Variants in TENM4 observed in about 807,000 individuals in gnomAD.
TENM4 encodes teneurin transmembrane protein 4, also known as teneurin-4.
A neutral mutation model predicts 243.3 loss-of-function variants in TENM4; 82 were observed. The ratio of observed to expected loss-of-function variants is 0.34; its 90% CI spans 0.28 to 0.40. The LOEUF is 0.40. TENM4 is among the 10% of genes least tolerant of loss of function. The pLI is 1.00. For missense variants in TENM4, 3,138 were observed against 3,673.3 expected (o/e 0.85, Z 3.77); for synonymous variants, 1,412 against 1,456.3 (o/e 0.97, Z 0.69).
At chr11:78,871,468 C>T (rs958731570) in intron 9 of TENM4, among the ~76,000 whole-genome samples, 2 of 152,142 alleles carry the variant, frequency 1.3e-5, no homozygotes, top group Non-Finnish European at 2.9e-5. Flanking sequence ...CTATGACTGA[C>T]ATCTCAGCTC....
intron 25 of TENM4, among the ~76,000 whole-genome samples, chr11:78,713,420 T>G (rs766406202): frequency 1.3e-5 from 2 of 152,212 alleles, no homozygotes; most frequent in Non-Finnish European, 2.9e-5. Context: ...AAAACAGTTA[T>G]AAAGATCAGG....
intron 6 of TENM4, among the ~76,000 whole-genome samples, chr11:79,018,935 TC>T (rs1565169633): frequency 6.6e-6 from 1 of 152,072 alleles, no homozygotes; most frequent in East Asian, 1.9e-4. Context: ...GGAGGCTTGC[TC>T]CACAGTCTTA....
At chr11:78,804,904 T>C (rs1368375071) in intron 15 of TENM4, among the ~76,000 whole-genome samples, 1 of 152,190 alleles carries the variant, frequency 6.6e-6, no homozygotes, top group Non-Finnish European at 1.5e-5. Context: ...CTGAAGGGTT[T>C]GATGGCTGGG....
chr11:79,043,803 T>C (rs1233166026), intron 6 of TENM4, among the ~76,000 whole-genome samples: 1 of 152,076 alleles, frequency 6.6e-6, no homozygotes, highest in Admixed American at 6.6e-5. Flanking sequence ...ACCACCCCCA[T>C]CTCTTGCCCC....
intron 3 of TENM4, among the ~76,000 whole-genome samples, chr11:79,169,362 C>T (rs1455841828): frequency 6.6e-6 from 1 of 152,146 alleles, no homozygotes; most frequent in African/African-American, 2.4e-5. Context: ...CTTGAGCATG[C>T]CGTTGAGTGA....
intron 6 of TENM4, among the ~76,000 whole-genome samples, chr11:78,941,695 T>C (rs867488567): frequency 1.1e-4 from 16 of 152,276 alleles, no homozygotes; most frequent in Middle Eastern, 3.4e-3. Flanking sequence ...CCCCAGCGTG[T>C]TGTAGAATCC....
intron 19 of TENM4, among the ~76,000 whole-genome samples, chr11:78,749,631 C>G (rs991771557): frequency 6.6e-6 from 1 of 152,156 alleles, no homozygotes; most frequent in African/African-American, 2.4e-5. Context: ...TCACAGTGGG[C>G]TGATAAAAAA....
Position 78,656,105 on chromosome 11 carries a change from A to G in TENM4, c.*1953T>C, listed in dbSNP as rs950917174. 9.2e-5 allele frequency: 14 copies of G among 152,208 alleles called. No homozygotes were observed. Among genetic ancestry groups the G allele is most frequent in the African/African-American group, 2.7e-4 (11 of 41,436 alleles). 9.4% of individuals were successfully genotyped at this position (152,208 alleles called of 1,614,324 possible). ...GTTAAGGCGAAATCTCCTCTCCCCAAGAAGTTTTGGTTGCCTCCCTCTGCC... is the reference window on the plus strand; with the variant it reads ...GTTAAGGCGAAATCTCCTCTCCCCAGGAAGTTTTGGTTGCCTCCCTCTGCC... On this transcript the variant is annotated 3_prime_UTR_variant, in exon 34 of 34. Coordinates refer to ENST00000278550, the MANE Select transcript of TENM4 (RefSeq NM_001098816.3).
chr11:78,955,179 C>T (rs535140581), intron 6 of TENM4, among the ~76,000 whole-genome samples: 2 of 152,244 alleles, frequency 1.3e-5, no homozygotes, highest in East Asian at 1.9e-4. Context: ...TGCTAAGCTG[C>T]ATCTCCCTGA....
chr11:79,381,957 G>C (rs1397189760), intron 1 of TENM4, among the ~76,000 whole-genome samples: 1 of 152,158 alleles, frequency 6.6e-6, no homozygotes, highest in Non-Finnish European at 1.5e-5. Flanking sequence ...ATGACAACAA[G>C]AGGGTCCAGG....
chr11:79,344,239 T>C (rs1368663801), intron 1 of TENM4, among the ~76,000 whole-genome samples: 3 of 152,200 alleles, frequency 2.0e-5, no homozygotes, highest in African/African-American at 7.2e-5. Context: ...TCCTGAGTTT[T>C]TCAACCATTA....
intron 4 of TENM4, among the ~76,000 whole-genome samples, chr11:79,076,783 T>C (rs1193068452): frequency 1.3e-5 from 2 of 152,204 alleles, no homozygotes; most frequent in African/African-American, 4.8e-5. Flanking sequence ...CTAGTAATGG[T>C]AAGATAACTA....
intron 1 of TENM4, among the ~76,000 whole-genome samples, chr11:79,334,590 G>A (rs1857117376): frequency 6.6e-6 from 1 of 152,240 alleles, no homozygotes; most frequent in South Asian, 2.1e-4. Flanking sequence ...GGCATCCCTT[G>A]CCTGTCTCCA....
At chr11:79,341,785 A>G (rs1270499954) in intron 1 of TENM4, among the ~76,000 whole-genome samples, 1 of 152,196 alleles carries the variant, frequency 6.6e-6, no homozygotes, top group Admixed American at 6.5e-5. Flanking sequence ...ATTATTTGTA[A>G]CAATGACCTA....
At chr11:78,732,803 T>A (rs533536510) in intron 20 of TENM4, among the ~76,000 whole-genome samples, 2 of 152,320 alleles carry the variant, frequency 1.3e-5, no homozygotes, top group East Asian at 3.9e-4. Context: ...GAGAATTTGC[T>A]GAAATGAACC....
At chr11:78,768,308 TCC>T (rs1484493805) in intron 18 of TENM4, among the ~76,000 whole-genome samples, 1 of 152,188 alleles carries the variant, frequency 6.6e-6, no homozygotes, top group Non-Finnish European at 1.5e-5. Context: ...AATTTGGCCT[TCC>T]CAGCTGGTTC....
At chr11:78,731,445 A>G (rs1006413338) in intron 21 of TENM4, among the ~76,000 whole-genome samples, 1 of 152,236 alleles carries the variant, frequency 6.6e-6, no homozygotes, top group African/African-American at 2.4e-5. Flanking sequence ...TCAGCCAGGC[A>G]TGAAATATAC....
At chr11:78,965,560 AGTAAAT>A (rs1857422035) in intron 6 of TENM4, among the ~76,000 whole-genome samples, 1 of 152,214 alleles carries the variant, frequency 6.6e-6, no homozygotes, top group South Asian at 2.1e-4. Context: ...CCTCTTCCTG[AGTAAAT>A]CTGTCAAGCT....
Position 78,933,987 on chromosome 11 carries a change from T to G in TENM4, c.494-30464A>C, listed in dbSNP as rs572881609. ...AGAGGACAATTTCTCCTGGGGATTCTAGCACAAGGGTGCACTGGGAATTAG... is the reference window on the plus strand; with the variant it reads ...AGAGGACAATTTCTCCTGGGGATTCGAGCACAAGGGTGCACTGGGAATTAG... On this transcript the variant is annotated intron_variant, in intron 6 of 33. Transcript: ENST00000278550. Among the ~76,000 whole-genome samples, 60 of 152,328 alleles carry G rather than the reference T, an allele frequency of 3.9e-4. No individual in the cohort carries two copies. In the South Asian group the frequency reaches 0.012, roughly 31 times the overall value.
Sources: gnomAD v4.1 joint callset for allele counts (sites outside exome capture counted in the v4.1 genomes callset) on GRCh38, gnomAD v4.1.1 for gene constraint, MANE v1.5 for transcripts, NCBI Gene and HGNC (gene_info 2026-07-23, HGNC 2026-07-21) for gene names.